Variants in PARD3 observed in about 807,000 individuals in gnomAD.
The protein encoded by PARD3 is partitioning defective 3 homolog.
PARD3 carries 75 observed loss-of-function variants against 155.4 expected under a neutral mutation model. That is an observed-to-expected ratio of 0.48 (90% CI 0.40 to 0.58). PARD3 has a LOEUF of 0.58. PARD3 is among the 20% of genes least tolerant of loss of function. The pLI, the probability that PARD3 is intolerant of heterozygous loss-of-function variation, is 0.00. For synonymous variants in PARD3, 576 were observed against 610.5 expected, an observed-to-expected ratio of 0.94 and a Z score of 0.83; for missense variants, 1,642 against 1,721.7, an observed-to-expected ratio of 0.95 and a Z score of 0.82.
intron 15 of PARD3, among the ~76,000 whole-genome samples, chr10:34,347,462 A>AT (rs1837550867): frequency 6.6e-6 from 1 of 152,260 alleles, no homozygotes; most frequent in Non-Finnish European, 1.5e-5. Flanking sequence ...AAAGTAAAAT[A>AT]CAATTAAAAT....
At chr10:34,434,110 G>C (rs954896684) in intron 5 of PARD3, among the ~76,000 whole-genome samples, 2 of 152,192 alleles carry the variant, frequency 1.3e-5, no homozygotes, top group African/African-American at 4.8e-5. Context: ...CAGGAGATCA[G>C]AACAGCAGAT....
intron 22 of PARD3, among the ~76,000 whole-genome samples, chr10:34,232,661 G>A (rs983560293): frequency 1.3e-5 from 2 of 152,250 alleles, no homozygotes; most frequent in South Asian, 4.1e-4. Context: ...ACTGGGAAGG[G>A]TAGGTAGGAT....
chr10:34,774,424 C>T (rs1050191775), intron 1 of PARD3, among the ~76,000 whole-genome samples: 4 of 152,190 alleles, frequency 2.6e-5, no homozygotes, highest in Admixed American at 6.5e-5. Context: ...CAAAGCCTAA[C>T]CCTGCCAATT....
At chr10:34,509,248 T>C (rs1027641977) in intron 3 of PARD3, among the ~76,000 whole-genome samples, 2 of 152,128 alleles carry the variant, frequency 1.3e-5, no homozygotes, top group African/African-American at 4.8e-5. Flanking sequence ...CCTGGGAGCA[T>C]GCAAAGACCT....
chr10:34,384,047 A>G lies in PARD3; in HGVS notation c.1016+82T>C. The G allele has an allele frequency of 5.8e-6, 8 of 1,375,842 alleles. No homozygotes were observed. The South Asian group carries it at 1.0e-4, about 17-fold the overall frequency. 85.2% of individuals were successfully genotyped at this position (1,375,842 alleles called of 1,614,324 possible). A position where few individuals can be genotyped will look rare whatever the true frequency, so the allele number is the denominator to read the frequency against. On this transcript the variant is annotated intron_variant, in intron 8 of 24. Coordinates refer to ENST00000374788, the MANE Select transcript of PARD3 (RefSeq NM_001184785.2). ...TCCAGTATACAGACTGAGATCACAG[A>G]CATGTTTGAAGCATTTCAACTGACT...
intron 14 of PARD3, among the ~76,000 whole-genome samples, chr10:34,358,664 G>A (rs1049872206): frequency 4.6e-5 from 7 of 152,180 alleles, no homozygotes; most frequent in Non-Finnish European, 8.8e-5. Flanking sequence ...CTGAACTCCA[G>A]CATGGTCAAC....
chr10:34,182,109 G>C (rs1950294382), intron 22 of PARD3, among the ~76,000 whole-genome samples: 1 of 152,170 alleles, frequency 6.6e-6, no homozygotes, highest in Non-Finnish European at 1.5e-5. Flanking sequence ...AAAACCAGCT[G>C]GCAGCAGCCT....
chr10:34,759,926 A>G (rs1002665166), intron 1 of PARD3, among the ~76,000 whole-genome samples: 2 of 152,226 alleles, frequency 1.3e-5, no homozygotes, highest in African/African-American at 4.8e-5. Flanking sequence ...GAGAACACTT[A>G]TGAATCTAAA....
intron 2 of PARD3, among the ~76,000 whole-genome samples, chr10:34,569,319 T>C (rs1008443552): frequency 1.1e-4 from 16 of 152,238 alleles, no homozygotes; most frequent in Non-Finnish European, 1.9e-4. Flanking sequence ...GGATATTTAA[T>C]TTGGGTTTGA....
At chr10:34,688,029 A>AT (rs916342798) in intron 2 of PARD3, among the ~76,000 whole-genome samples, 1 of 151,446 alleles carries the variant, frequency 6.6e-6, no homozygotes, top group South Asian at 2.1e-4. Context: ...TAATTGTAGT[A>AT]TTTTTTGTAG....
intron 22 of PARD3, among the ~76,000 whole-genome samples, chr10:34,211,554 G>A (rs907368694): frequency 1.3e-5 from 2 of 152,230 alleles, no homozygotes; most frequent in African/African-American, 4.8e-5. Context: ...GGCCGAGGCA[G>A]ACGGATCACT....
At chr10:34,345,302 G>A in intron 15 of PARD3, 1 of 985,338 alleles carries the variant, frequency 1.0e-6, no homozygotes, top group Non-Finnish European at 1.2e-6. Context: ...CCAGGGATGT[G>A]TTCACATAGG....
rs550360519 is a variant in PARD3, at chr10:34,692,904, C to A, written c.222+3414G>T. ...AAAGTGGACAAAGAACAAGAACAGA[C>A]GCTTTTCAAAAGAATACATACACAT... is the stretch of plus-strand genomic sequence containing the variant. On this transcript the variant is annotated intron_variant, in intron 2 of 24. Transcript: ENST00000374788. Among the ~76,000 whole-genome samples, 27 of 152,138 alleles carry A rather than the reference C, an allele frequency of 1.8e-4. 1 individual carries two copies. Among genetic ancestry groups the A allele is most frequent in the African/African-American group, 5.8e-4 (24 of 41,490 alleles).
intron 12 of PARD3, among the ~76,000 whole-genome samples, chr10:34,368,675 C>T (rs1179045175): frequency 6.8e-6 from 1 of 146,438 alleles, no homozygotes; most frequent in East Asian, 2.0e-4. Context: ...CCATCTCAAA[C>T]AAAAAAAAAG....
intron 2 of PARD3, among the ~76,000 whole-genome samples, chr10:34,664,490 T>C (rs2093402792): frequency 6.6e-6 from 1 of 151,512 alleles, no homozygotes; most frequent in Non-Finnish European, 1.5e-5. Flanking sequence ...CGTAAGCCAC[T>C]GCACCTGGCC....
chr10:34,412,401 C>T (rs1052970914), intron 5 of PARD3, among the ~76,000 whole-genome samples: 5 of 152,148 alleles, frequency 3.3e-5, no homozygotes, highest in African/African-American at 7.2e-5. Context: ...CCTCTCCTTC[C>T]GCTTTAATAA....
intron 20 of PARD3, among the ~76,000 whole-genome samples, chr10:34,314,479 G>C (rs1333356106): frequency 6.6e-6 from 1 of 152,230 alleles, no homozygotes; most frequent in Non-Finnish European, 1.5e-5. Context: ...GGCTGGCGCA[G>C]TGGTTTGCAA....
At chr10:34,222,862 A>G (rs1467108361) in intron 22 of PARD3, among the ~76,000 whole-genome samples, 1 of 152,142 alleles carries the variant, frequency 6.6e-6, no homozygotes, top group Non-Finnish European at 1.5e-5. Context: ...GCTAGCTTTG[A>G]CCACACTCAG....
chr10:34,711,802 T>C (rs1043858912), intron 1 of PARD3, among the ~76,000 whole-genome samples: 15 of 152,194 alleles, frequency 9.9e-5, no homozygotes, highest in Middle Eastern at 3.4e-3. Flanking sequence ...CCAAAAGAAA[T>C]GCGTGGACAT....
Sources: gnomAD v4.1 joint callset for allele counts (sites outside exome capture counted in the v4.1 genomes callset) on GRCh38, gnomAD v4.1.1 for gene constraint, MANE v1.5 for transcripts, NCBI Gene and HGNC (gene_info 2026-07-23, HGNC 2026-07-21) for gene names.